AIG1: variants seen among roughly 807,000 people sequenced by gnomAD.
AIG1 encodes androgen-induced gene 1 protein.
Under a neutral mutation model 31.4 loss-of-function variants are expected in AIG1, and 23 were observed. The observed-to-expected ratio is 0.73, with a 90% CI of 0.53 to 1.04. AIG1 has a LOEUF of 1.04. AIG1 is among the 50% of genes least tolerant of loss of function. The probability of loss-of-function intolerance (pLI) is 0.00; values close to 1 mark genes in which losing one functional copy is unlikely to be tolerated. For missense variants in AIG1, 274 were observed against 295.0 expected, an observed-to-expected ratio of 0.93 and a Z score of 0.52; for synonymous variants, 100 against 110.5, an observed-to-expected ratio of 0.90 and a Z score of 0.60.
chr6:143,155,013 A>ATTTTTTTTT (rs61017846), intron 2 of AIG1, among the ~76,000 whole-genome samples: 1 of 123,970 alleles, frequency 8.1e-6, no homozygotes, highest in Non-Finnish European at 1.8e-5. Flanking sequence ...ACATCTGGCT[A>ATTTTTTTTT]TTTTTTTTTT....
chr6:143,283,498 T>C (rs1269200162), intron 3 of AIG1, among the ~76,000 whole-genome samples: 1 of 152,218 alleles, frequency 6.6e-6, no homozygotes, highest in Non-Finnish European at 1.5e-5. Flanking sequence ...GACAAAGAGT[T>C]CTACGAAAGA....
intron 4 of AIG1, among the ~76,000 whole-genome samples, chr6:143,289,683 T>G: frequency 6.6e-6 from 1 of 152,122 alleles, no homozygotes; most frequent in East Asian, 1.9e-4. Flanking sequence ...GTTGAAATGG[T>G]TTTGTACCTC....
intron 3 of AIG1, among the ~76,000 whole-genome samples, chr6:143,212,206 G>A (rs1341378134): frequency 2.0e-5 from 3 of 152,188 alleles, no homozygotes; most frequent in Admixed American, 1.3e-4. Flanking sequence ...AAAAATGCTT[G>A]CAACCCACCA....
chr6:143,274,226 G>A (rs565509546), intron 3 of AIG1, among the ~76,000 whole-genome samples: 10 of 152,146 alleles, frequency 6.6e-5, no homozygotes, highest in South Asian at 2.1e-4. Flanking sequence ...TTTATCCTTC[G>A]GTTGTCCTGG....
intron 1 of AIG1, among the ~76,000 whole-genome samples, chr6:143,134,010 C>T (rs1261473125): frequency 6.6e-6 from 1 of 151,928 alleles, no homozygotes; most frequent in Non-Finnish European, 1.5e-5. Context: ...TTTAGTCAAT[C>T]TTTAAAACTA....
chr6:143,314,925 A>G (rs889445120), intron 4 of AIG1, among the ~76,000 whole-genome samples: 2 of 152,146 alleles, frequency 1.3e-5, no homozygotes, highest in Non-Finnish European at 2.9e-5. Flanking sequence ...GAATTGTCTG[A>G]ATCATCAGAA....
chr6:143,284,335 G>A lies in AIG1; in HGVS notation c.515+110G>A, dbSNP rs9403480. 8 of 745,018 alleles carry A rather than the reference G, an allele frequency of 1.1e-5. No homozygotes were observed. The highest frequency in any genetic ancestry group is 1.8e-5 in the Non-Finnish European group (8 of 450,648). The allele number at this position is 745,018 out of a possible 1,614,324, so 46.2% of individuals were successfully genotyped here. On this transcript the variant is annotated intron_variant, in intron 4 of 5. Coordinates refer to ENST00000357847, the MANE Select transcript of AIG1 (RefSeq NM_016108.4). The surrounding 1 kb of genome is among the most constrained non-coding windows in gnomAD (Gnocchi z 4.4). ...CACTAACAGATTCACGCTGTGTGCC[G>A]CATTTGGTCCAAGACCTGGGCTTTG...
At chr6:143,176,301 T>C (rs746376586) in intron 3 of AIG1, among the ~76,000 whole-genome samples, 1 of 152,198 alleles carries the variant, frequency 6.6e-6, no homozygotes, top group Admixed American at 6.5e-5. Flanking sequence ...GGTGGCGCTA[T>C]GAAGAGTGCA....
At chr6:143,263,469 A>C (rs6930055) in intron 3 of AIG1, among the ~76,000 whole-genome samples, 1 of 152,116 alleles carries the variant, frequency 6.6e-6, no homozygotes, top group Admixed American at 6.5e-5. Flanking sequence ...TCCTGTACAT[A>C]CACCACATTT....
rs956097199 is a variant in AIG1 at position 143,328,230 on chromosome 6, G to T, written c.516-5052G>T. ...AGATGCCAGACTGCTGTGGGTGAAAGTGAGTACAATGTACAGATATGGTGT... is the reference window on the plus strand; with the variant it reads ...AGATGCCAGACTGCTGTGGGTGAAATTGAGTACAATGTACAGATATGGTGT... On this transcript the variant is annotated intron_variant, in intron 4 of 5. Coordinates refer to ENST00000357847, the MANE Select transcript of AIG1 (RefSeq NM_016108.4). The surrounding 1 kb of genome is among the most constrained non-coding windows in gnomAD (Gnocchi z 4.0). 3.9e-5 allele frequency among the ~76,000 whole-genome samples: 6 copies of T among 152,202 alleles called. No homozygotes were observed. Among genetic ancestry groups the T allele is most frequent in the African/African-American group, 1.4e-4 (6 of 41,460 alleles).
intron 3 of AIG1, among the ~76,000 whole-genome samples, chr6:143,229,970 A>AAAAATGTGATCCTG (rs957165503): frequency 6.6e-6 from 1 of 152,136 alleles, no homozygotes; most frequent in African/African-American, 2.4e-5. Context: ...AAAAGTAATT[A>AAAAATGTGATCCTG]AAAATGTGAT....
intron 4 of AIG1, among the ~76,000 whole-genome samples, chr6:143,306,162 G>A (rs1447721258): frequency 1.3e-5 from 2 of 151,606 alleles, no homozygotes; most frequent in Non-Finnish European, 2.9e-5. Context: ...ACACTGATGG[G>A]TCTTGACTCT....
chr6:143,141,583 C>T (rs1005198981), intron 2 of AIG1, among the ~76,000 whole-genome samples: 3 of 152,074 alleles, frequency 2.0e-5, no homozygotes, highest in African/African-American at 4.8e-5. Flanking sequence ...CCCATAAATA[C>T]GAAGCTGGCC....
At chr6:143,306,131 G>T (rs1463862603) in intron 4 of AIG1, among the ~76,000 whole-genome samples, 1 of 151,248 alleles carries the variant, frequency 6.6e-6, no homozygotes, top group Non-Finnish European at 1.5e-5. Context: ...CTGCACGTGA[G>T]ATGGGTTTCC....
chr6:143,100,614 T>C (rs76491760), intron 1 of AIG1, among the ~76,000 whole-genome samples: 5,644 of 152,266 alleles, frequency 0.037, 143 homozygotes, highest in Middle Eastern at 0.1. Flanking sequence ...ATATATACAT[T>C]GCAAGCCTCT....
chr6:143,328,960 A>G lies in AIG1; in HGVS notation c.516-4322A>G, dbSNP rs1022565279. The stretch of plus-strand genomic sequence containing the variant: ...AAGGAGAGAAATTAAAAGTCAGCCA[A>G]GAACTAAGCACTCTCCAGATAGATG... On this transcript the variant is annotated intron_variant, in intron 4 of 5. Coordinates refer to ENST00000357847, the MANE Select transcript of AIG1 (RefSeq NM_016108.4). The surrounding 1 kb of genome is among the most constrained non-coding windows in gnomAD (Gnocchi z 4.0). 9.2e-5 allele frequency among the ~76,000 whole-genome samples: 14 copies of G among 152,236 alleles called. No homozygotes were observed. The highest frequency in any genetic ancestry group is 4.1e-4 in the South Asian group (2 of 4,830).
intron 4 of AIG1, among the ~76,000 whole-genome samples, chr6:143,305,935 A>G (rs1348093132): frequency 3.9e-5 from 6 of 152,188 alleles, no homozygotes; most frequent in Non-Finnish European, 5.9e-5. Flanking sequence ...TATATTTAGT[A>G]TAGTTAACTC....
chr6:143,342,575 G>A, downstream of AIG1: 1 of 977,640 alleles, frequency 1.0e-6, no homozygotes, highest in African/African-American at 1.6e-5. Flanking sequence ...GGGTTTACAG[G>A]CTGTGCATTT....
Position 143,327,519 on chromosome 6 carries a change from C to A in AIG1, c.516-5763C>A. On this transcript the variant is annotated intron_variant, in intron 4 of 5. Transcript: ENST00000357847. The surrounding 1 kb of genome is among the most constrained non-coding windows in gnomAD (Gnocchi z 5.3). ...TGGGCCAAAGGAATAAGGAATGTCC[C>A]ATACTGTAACCATGTGTGGTTGTCC... The A allele has an allele frequency of 5.1e-6, 2 of 388,732 alleles. No individual in the cohort carries two copies. Among genetic ancestry groups the A allele is most frequent in the South Asian group, 4.5e-5 (2 of 44,634 alleles). 24.1% of individuals were successfully genotyped at this position (388,732 alleles called of 1,614,324 possible). A position where few individuals can be genotyped will look rare whatever the true frequency, so the allele number is the denominator to read the frequency against.
Sources: allele counts gnomAD v4.1 joint callset (sites outside exome capture counted in the v4.1 genomes callset), GRCh38; gene constraint gnomAD v4.1.1; non-coding constraint Gnocchi (gnomAD v3.1); transcripts MANE v1.5; gene names NCBI Gene and HGNC (gene_info 2026-07-23, HGNC 2026-07-21).